NCALD: variants seen among roughly 807,000 people sequenced by gnomAD.
NCALD encodes neurocalcin-delta.
Under a neutral mutation model 18.6 loss-of-function variants are expected in NCALD, and 10 were observed. That is an observed-to-expected ratio of 0.54 (90% CI 0.33 to 0.91). The LOEUF (loss-of-function observed/expected upper bound fraction) is 0.91, where lower values mean the gene tolerates loss of function less well. Ranked by LOEUF, NCALD falls within the 40% of genes least tolerant of loss-of-function variation. The probability of loss-of-function intolerance (pLI) is 0.03; values close to 1 mark genes in which losing one functional copy is unlikely to be tolerated. For synonymous variants in NCALD, 88 were observed against 87.4 expected (o/e 1.01, Z -0.04); for missense variants, 184 against 247.6 (o/e 0.74, Z 1.72).
intron 1 of NCALD, among the ~76,000 whole-genome samples, chr8:102,087,338 A>G (rs1824770261): frequency 6.6e-6 from 1 of 152,058 alleles, no homozygotes; most frequent in Non-Finnish European, 1.5e-5. Context: ...GCAAACCATG[A>G]AAGAGATGAT....
Position 101,689,333 on chromosome 8 carries a change from G to T in NCALD, c.558C>A (p.Asp186Glu). Reference sequence around the variant, plus strand: ...CTCAGAACTGGCCGGCACTGCTCGGGTCGCACTGCAGGAGGCGCACAATGG... The same window carrying T: ...CTCAGAACTGGCCGGCACTGCTCGGTTCGCACTGCAGGAGGCGCACAATGG... ...DPSIVRLLQC[D>E]PSSAGQF The change falls in exon 4 of 4, where the codon GAC becomes GAA. Residue 186 changes from aspartate to glutamate, a missense_variant. Asp to Glu is a conservative substitution (Grantham distance 45, BLOSUM62 2). Coordinates refer to ENST00000220931, the MANE Select transcript of NCALD (RefSeq NM_032041.3). This position sits in a 1 kb window ranked among gnomAD's most constrained non-coding sequence, Gnocchi z 4.4. 6.2e-7 allele frequency: 1 copy of T among 1,613,886 alleles called. No individual in the cohort carries two copies. The highest frequency in any genetic ancestry group is 8.5e-7 in the Non-Finnish European group (1 of 1,179,922).
chr8:101,984,315 C>T (rs1274159145), intron 2 of NCALD, among the ~76,000 whole-genome samples: 1 of 152,190 alleles, frequency 6.6e-6, no homozygotes, highest in Non-Finnish European at 1.5e-5. Flanking sequence ...TAGACTTCTT[C>T]CAACATAGGG....
chr8:102,001,896 C>A (rs983926733), intron 2 of NCALD, among the ~76,000 whole-genome samples: 1 of 152,194 alleles, frequency 6.6e-6, no homozygotes, highest in African/African-American at 2.4e-5. Flanking sequence ...TGGAAAGGAA[C>A]AACTGGTACC....
intron 4 of NCALD, among the ~76,000 whole-genome samples, chr8:101,809,807 A>C (rs955836092): frequency 6.6e-6 from 1 of 152,144 alleles, no homozygotes; most frequent in African/African-American, 2.4e-5. Flanking sequence ...AGCCTCCCAA[A>C]GTGCTGGGAT....
At chr8:101,870,109 C>T (rs1425181429) in intron 4 of NCALD, among the ~76,000 whole-genome samples, 2 of 152,206 alleles carry the variant, frequency 1.3e-5, no homozygotes, top group African/African-American at 4.8e-5. Context: ...TACTAACTCA[C>T]CAGACGAAGA....
chr8:101,762,818 C>T (rs1375246683), intron 1 of NCALD, among the ~76,000 whole-genome samples: 9 of 152,160 alleles, frequency 5.9e-5, no homozygotes, highest in African/African-American at 1.7e-4. Flanking sequence ...GTGATCCACC[C>T]GCCTTGGCCT....
rs1186455044 is a variant in NCALD at position 102,073,226 on chromosome 8, G to A, written c.-210+51011C>T. Among the ~76,000 whole-genome samples the A allele has an allele frequency of 3.3e-5, 5 of 152,124 alleles. No individual in the cohort carries two copies. The South Asian group carries it at 6.2e-4, about 19-fold the overall frequency. ...TGAGGAAGGAGAATTGCTTGAAGCC[G>A]GGAGGCAGAGGTTGCAGTGAGCCAA... On this transcript the variant is annotated intron_variant, in intron 1 of 6. Transcript: ENST00000311028.
intron 1 of NCALD, among the ~76,000 whole-genome samples, chr8:102,045,865 T>C (rs116728114): frequency 0.011 from 1,601 of 152,350 alleles, 26 homozygotes; most frequent in African/African-American, 0.037. Flanking sequence ...AACAATGCTA[T>C]GTTGCATCGC....
chr8:101,812,439 T>C (rs1217776047), intron 4 of NCALD, among the ~76,000 whole-genome samples: 1 of 152,154 alleles, frequency 6.6e-6, no homozygotes, highest in Non-Finnish European at 1.5e-5. Flanking sequence ...CCAGACAGTC[T>C]GGATCCACTT....
At chr8:102,094,080 G>A (rs569914858) in intron 1 of NCALD, among the ~76,000 whole-genome samples, 15 of 152,234 alleles carry the variant, frequency 9.9e-5, no homozygotes, top group Middle Eastern at 3.4e-3. Context: ...ATGATGAAAG[G>A]CATTTCCTAT....
intron 1 of NCALD, among the ~76,000 whole-genome samples, chr8:101,732,901 G>A (rs1004062874): frequency 6.6e-6 from 1 of 152,146 alleles, no homozygotes; most frequent in African/African-American, 2.4e-5. Context: ...ACCATGCCCA[G>A]TCTGGAGCAT....
chr8:101,961,631 T>C (rs1286432454), intron 2 of NCALD, among the ~76,000 whole-genome samples: 1 of 152,192 alleles, frequency 6.6e-6, no homozygotes, highest in East Asian at 1.9e-4. Flanking sequence ...GGTGTCACTA[T>C]GTTGTCCAGG....
In NCALD at chr8:102,046,953, T is replaced by A. The variant is rs368786691; in HGVS notation, c.-209-26664A>T. On this transcript the variant is annotated intron_variant, in intron 1 of 6. Transcript: ENST00000311028. The stretch of plus-strand genomic sequence containing the variant: ...GCCCAGTACCCAAGAGTTAACCTTT[T>A]CCGCTCCTCTCCCTCCTCCCATTCT... Among the ~76,000 whole-genome samples, 256 of 152,288 alleles carry A rather than the reference T, an allele frequency of 1.7e-3. 1 individual carries two copies. Among genetic ancestry groups the A allele is most frequent in the African/African-American group, 6.0e-3 (249 of 41,552 alleles).
intron 4 of NCALD, among the ~76,000 whole-genome samples, chr8:101,843,277 G>C (rs1814718960): frequency 6.6e-6 from 1 of 152,174 alleles, no homozygotes; most frequent in East Asian, 1.9e-4. Flanking sequence ...TACTCAAAAA[G>C]ATATCATGAG....
chr8:101,715,914 T>C (rs564103394), intron 2 of NCALD, among the ~76,000 whole-genome samples: 1 of 152,316 alleles, frequency 6.6e-6, no homozygotes, highest in East Asian at 1.9e-4. Flanking sequence ...GTGTGGCGAT[T>C]CCTCAAGGAT....
At chr8:102,116,295 C>T (rs1825784308) in intron 1 of NCALD, among the ~76,000 whole-genome samples, 1 of 146,506 alleles carries the variant, frequency 6.8e-6, no homozygotes, top group South Asian at 2.2e-4. Flanking sequence ...AAAACAAAAA[C>T]CTCTACTGTG....
At chr8:101,991,154 A>G (rs1785472356) in intron 2 of NCALD, among the ~76,000 whole-genome samples, 1 of 152,208 alleles carries the variant, frequency 6.6e-6, no homozygotes, top group Admixed American at 6.5e-5. Context: ...ACTGCATTGT[A>G]TCGACAACAT....
intron 2 of NCALD, among the ~76,000 whole-genome samples, chr8:102,008,778 T>C (rs942530811): frequency 6.6e-6 from 1 of 152,136 alleles, no homozygotes; most frequent in Non-Finnish European, 1.5e-5. Flanking sequence ...AGTAACTGAT[T>C]CTTACTGCTT....
intron 3 of NCALD, among the ~76,000 whole-genome samples, chr8:101,899,970 G>A (rs1817360585): frequency 6.6e-6 from 1 of 151,764 alleles, no homozygotes; most frequent in Non-Finnish European, 1.5e-5. Flanking sequence ...AATGTCTTAT[G>A]GAATTTTCTA....
Sources: allele counts gnomAD v4.1 joint callset (sites outside exome capture counted in the v4.1 genomes callset), GRCh38; gene constraint gnomAD v4.1.1; non-coding constraint Gnocchi (gnomAD v3.1); transcripts MANE v1.5; gene names NCBI Gene and HGNC (gene_info 2026-07-23, HGNC 2026-07-21).